Variants in RALGAPA2 observed in about 807,000 individuals in gnomAD.
RALGAPA2 encodes Ral GTPase activating protein catalytic subunit alpha 2.
Under a neutral mutation model 230.4 loss-of-function variants are expected in RALGAPA2, and 139 were observed. That is an observed-to-expected ratio of 0.60 (90% CI 0.53 to 0.69). The LOEUF (loss-of-function observed/expected upper bound fraction) is 0.69. RALGAPA2 is among the 30% of genes least tolerant of loss of function. The pLI is 0.00. For synonymous variants in RALGAPA2, 847 were observed against 837.8 expected (o/e 1.01, Z -0.19); for missense variants, 2,163 against 2,276.0 (o/e 0.95, Z 1.01).
chr20:20,418,737 ATTAT>A (rs11474206), intron 37 of RALGAPA2, among the ~76,000 whole-genome samples: 1,540 of 150,124 alleles, frequency 0.01, 19 homozygotes, highest in African/African-American at 0.033. Flanking sequence ...ATTGCTATAC[ATTAT>A]TTATTTATTT....
intron 2 of RALGAPA2, among the ~76,000 whole-genome samples, chr20:20,677,637 T>C (rs1476485920): frequency 4.1e-5 from 5 of 120,826 alleles, no homozygotes; most frequent in African/African-American, 1.6e-4. Context: ...CCATTTTTTT[T>C]TTTTTTTTTT....
chr20:20,531,167 T>C lies in RALGAPA2; in HGVS notation c.3582+520A>G, dbSNP rs79313362. On this transcript the variant is annotated intron_variant, in intron 27 of 39. Transcript: ENST00000202677. ...AATTGCAACATCTATCTTGCAGAGC[T>C]GTCTTGAAGATTAACAGAATTATTT... Among the ~76,000 whole-genome samples the C allele has an allele frequency of 5.3e-3, 807 of 152,364 alleles. 9 individuals are homozygous for C. Among genetic ancestry groups the C allele is most frequent in the African/African-American group, 0.019 (770 of 41,586 alleles).
At position 20,390,696 on chromosome 20, in the gene RALGAPA2, A is replaced by AAAAATAAAAT. The variant is rs1307717719; in HGVS notation, c.*2592_*2593insATTTTATTTT. 6.6e-6 allele frequency: 1 copy of AAAAATAAAAT among 152,194 alleles called. No homozygotes were observed. The highest frequency in any genetic ancestry group is 2.4e-5 in the African/African-American group (1 of 41,430). The allele number at this position is 152,194 out of a possible 1,614,324, so 9.4% of individuals were successfully genotyped here. ...CAATATTTGCTTTTCTAAGTAAAAA[A>AAAAATAAAAT]AAAATAAAAAAGAAACTTGATCATT... On this transcript the variant is annotated 3_prime_UTR_variant, in exon 40 of 40. Coordinates refer to ENST00000202677, the MANE Select transcript of RALGAPA2 (RefSeq NM_020343.4).
intron 19 of RALGAPA2, 50 bp from the exon 20 acceptor site, chr20:20,583,276 A>G: frequency 1.3e-6 from 2 of 1,527,874 alleles, no homozygotes; most frequent in Non-Finnish European, 1.8e-6. Context: ...GCTGAAAATC[A>G]GAATGTTCAC....
intron 3 of RALGAPA2, among the ~76,000 whole-genome samples, chr20:20,662,574 T>G (rs1392843261): frequency 6.6e-6 from 1 of 152,212 alleles, no homozygotes; most frequent in Non-Finnish European, 1.5e-5. Context: ...TCACCAAGTA[T>G]TGTTAATCAC....
intron 24 of RALGAPA2, among the ~76,000 whole-genome samples, chr20:20,546,341 A>T (rs1433218210): frequency 6.6e-6 from 1 of 152,222 alleles, no homozygotes; most frequent in Non-Finnish European, 1.5e-5. Flanking sequence ...AACAAAAAAA[A>T]ACTTACTGCT....
intron 9 of RALGAPA2, among the ~76,000 whole-genome samples, chr20:20,632,121 T>TCCATGC (rs2066695851): frequency 6.6e-6 from 1 of 151,368 alleles, no homozygotes; most frequent in African/African-American, 2.4e-5. Flanking sequence ...GCCTCCTGGG[T>TCCATGC]CCATGCCTTT....
chr20:20,698,235 A>C (rs1426953436), intron 1 of RALGAPA2, among the ~76,000 whole-genome samples: 1 of 151,950 alleles, frequency 6.6e-6, no homozygotes, highest in Non-Finnish European at 1.5e-5. Flanking sequence ...AAATGCTGTT[A>C]ATGTATTAAG....
At chr20:20,393,396 C>A in intron 39 of RALGAPA2, 143 bp from the exon 40 acceptor site, 1 of 482,576 alleles carries the variant, frequency 2.1e-6, no homozygotes, top group Non-Finnish European at 3.2e-6. Flanking sequence ...GCTATGCCGG[C>A]AAAGATGTTT....
At chr20:20,645,272 G>A (rs1160282408) in intron 4 of RALGAPA2, among the ~76,000 whole-genome samples, 4 of 151,614 alleles carry the variant, frequency 2.6e-5, no homozygotes, top group African/African-American at 4.8e-5. Flanking sequence ...ATACCACCAC[G>A]CCAGGCTATT....
chr20:20,706,123 A>T (rs976787637), intron 1 of RALGAPA2, among the ~76,000 whole-genome samples: 48 of 152,340 alleles, frequency 3.2e-4, no homozygotes, highest in African/African-American at 1.1e-3. Context: ...GTTTACAGCA[A>T]AATATTCTAG....
At chr20:20,711,486 A>G (rs1410293662) in intron 1 of RALGAPA2, among the ~76,000 whole-genome samples, 1 of 152,236 alleles carries the variant, frequency 6.6e-6, no homozygotes, top group East Asian at 1.9e-4. Context: ...AAAAAAATAC[A>G]GAAAACAAAA....
At chr20:20,590,566 A>C (rs1182883217) in intron 17 of RALGAPA2, among the ~76,000 whole-genome samples, 2 of 152,080 alleles carry the variant, frequency 1.3e-5, no homozygotes, top group East Asian at 3.8e-4. Flanking sequence ...CTTTAAGCAC[A>C]CTCTTTCATT....
chr20:20,558,883 T>G (rs2064169021), intron 23 of RALGAPA2, among the ~76,000 whole-genome samples: 1 of 151,872 alleles, frequency 6.6e-6, no homozygotes, highest in South Asian at 2.1e-4. Flanking sequence ...TAAACATGCT[T>G]CCTTCTCATA....
chr20:20,432,433 C>T (rs536333717), intron 37 of RALGAPA2, among the ~76,000 whole-genome samples: 1 of 152,026 alleles, frequency 6.6e-6, no homozygotes, highest in African/African-American at 2.4e-5. Flanking sequence ...AGGTGAGCGC[C>T]GTATATATTC....
At chr20:20,460,429 C>T (rs1602434894) in intron 37 of RALGAPA2, among the ~76,000 whole-genome samples, 1 of 152,242 alleles carries the variant, frequency 6.6e-6, no homozygotes, top group South Asian at 2.1e-4. Flanking sequence ...CTAAGCTGGG[C>T]ATGACAATAA....
intron 36 of RALGAPA2, among the ~76,000 whole-genome samples, chr20:20,489,524 A>G (rs1206420506): frequency 6.6e-6 from 1 of 152,068 alleles, no homozygotes; most frequent in Non-Finnish European, 1.5e-5. Context: ...TACTAAAAGC[A>G]GTCCAGTAAT....
chr20:20,478,218 G>T (rs2061693453), intron 36 of RALGAPA2, among the ~76,000 whole-genome samples: 2 of 152,144 alleles, frequency 1.3e-5, no homozygotes, highest in Admixed American at 6.5e-5. Flanking sequence ...TAAGCTAACT[G>T]ATAAAATAAG....
intron 36 of RALGAPA2, among the ~76,000 whole-genome samples, chr20:20,490,772 C>T (rs2062029636): frequency 6.6e-6 from 1 of 152,056 alleles, no homozygotes; most frequent in Admixed American, 6.5e-5. Context: ...TCTGGCACAA[C>T]AGCCTTTTCC....
Sources: gnomAD v4.1 joint callset for allele counts (sites outside exome capture counted in the v4.1 genomes callset) on GRCh38, gnomAD v4.1.1 for gene constraint, MANE v1.5 for transcripts, NCBI Gene and HGNC (gene_info 2026-07-23, HGNC 2026-07-21) for gene names.